RFX6: variants seen among roughly 807,000 people sequenced by gnomAD.
RFX6 encodes the protein DNA-binding protein RFX6.
A neutral mutation model predicts 110.8 loss-of-function variants in RFX6; 50 were observed. The observed-to-expected ratio is 0.45, with a 90% CI of 0.36 to 0.57. The LOEUF (loss-of-function observed/expected upper bound fraction) is 0.57. Among genes scored for constraint, RFX6 ranks in the 20% least tolerant of loss-of-function variants. RFX6 has a pLI of 0.00. For synonymous variants in RFX6, 383 were observed against 411.2 expected (o/e 0.93, Z 0.83); for missense variants, 990 against 1,127.0 (o/e 0.88, Z 1.74).
intron 7 of RFX6, among the ~76,000 whole-genome samples, chr6:116,915,070 A>C (rs1775433932): frequency 6.6e-6 from 1 of 152,212 alleles, no homozygotes; most frequent in Non-Finnish European, 1.5e-5. Context: ...TTTTTCACGT[A>C]GAGTACATAA....
chr6:116,926,691 A>C (rs1047584375), intron 16 of RFX6, among the ~76,000 whole-genome samples: 1 of 152,190 alleles, frequency 6.6e-6, no homozygotes, highest in Non-Finnish European at 1.5e-5. Flanking sequence ...AAAATCAAAC[A>C]GTTTAACAAT....
chr6:116,886,589 TAA>T (rs1774703892), intron 4 of RFX6, among the ~76,000 whole-genome samples: 1 of 152,210 alleles, frequency 6.6e-6, no homozygotes, highest in Non-Finnish European at 1.5e-5. Context: ...TCTATTTTCC[TAA>T]GTTTTGAAAT....
chr6:116,902,572 C>A (rs145588132), intron 6 of RFX6, among the ~76,000 whole-genome samples: 4 of 151,908 alleles, frequency 2.6e-5, no homozygotes, highest in Non-Finnish European at 4.4e-5. Flanking sequence ...ATAATATTTT[C>A]TCCCCATCAA....
intron 16 of RFX6, 144 bp from the exon 17 acceptor site, chr6:116,926,883 C>T (rs1441438780): frequency 5.4e-6 from 4 of 736,562 alleles, no homozygotes; most frequent in Non-Finnish European, 9.1e-6. Context: ...ATTTTTGGTG[C>T]TTTTCAGTTT....
At chr6:116,878,264 T>C (rs1259978544) in intron 2 of RFX6, among the ~76,000 whole-genome samples, 1 of 152,210 alleles carries the variant, frequency 6.6e-6, no homozygotes, top group Non-Finnish European at 1.5e-5. Flanking sequence ...TGCAATCAGT[T>C]CAGTCCTTAC....
In RFX6 at chr6:116,916,303, A is replaced by G. The variant is rs376498133; in HGVS notation, c.961A>G (p.Ile321Val). 30 of 1,598,918 alleles carry G rather than the reference A, an allele frequency of 1.9e-5. No individual in the cohort carries two copies. In the African/African-American group the frequency reaches 2.3e-4, roughly 12 times the overall value. ...IIDIFCVCDS[I>V]LYKVLTDVLI... ...TGATATTTTCTGTGTTTGTGACTCA[A>G]TTCTTTATAAGGTAAGCACTTTGGG... is the stretch of plus-strand genomic sequence containing the variant. The change falls in exon 9 of 19, where the codon ATT (isoleucine) becomes GTT (valine). Residue 321 changes from isoleucine to valine, a missense_variant. By Grantham distance (29) the Ile-to-Val change is conservative. Transcript: ENST00000332958.
chr6:116,928,892 A>C lies in RFX6; in HGVS notation c.2532A>C (p.Leu844Phe), dbSNP rs139748065. Reference sequence around the variant, plus strand: ...ACATCCACGATCCACTTAACATTTTAGATGACAGTGGTAGAAAACAGACCA... The same window carrying C: ...ACATCCACGATCCACTTAACATTTTCGATGACAGTGGTAGAAAACAGACCA... ...YSDIHDPLNI[L>F]DDSGRKQTSS... Residue 844 changes from leucine (L) to phenylalanine (F), a missense_variant, in exon 18 of 19, where the codon TTA becomes TTC. This residue lies in a region of RFX6 where 438 missense variants were observed against 441.9 expected (regional missense o/e 0.99). Coordinates refer to ENST00000332958, the MANE Select transcript of RFX6 (RefSeq NM_173560.4). 3.1e-6 allele frequency: 5 copies of C among 1,613,842 alleles called. No homozygotes were observed. The African/African-American group carries it at 6.7e-5, about 22-fold the overall frequency.
At chr6:116,926,847 T>C (rs1274318992) in intron 16 of RFX6, among the ~76,000 whole-genome samples, 180 bp from the exon 17 acceptor site, 2 of 152,184 alleles carry the variant, frequency 1.3e-5, no homozygotes, top group Non-Finnish European at 2.9e-5. Context: ...TATACATGTG[T>C]TGTGATTATA....
At chr6:116,880,442 C>T in intron 2 of RFX6, 102 bp from the exon 3 acceptor site, 1 of 1,007,610 alleles carries the variant, frequency 9.9e-7, no homozygotes, top group Non-Finnish European at 1.5e-6. Context: ...TACTCATTAC[C>T]TCATTTATAG....
intron 14 of RFX6, 143 bp from the exon 15 acceptor site, chr6:116,924,526 A>C (rs1301286498): frequency 1.7e-5 from 13 of 772,832 alleles, no homozygotes; most frequent in Middle Eastern, 2.3e-4. Flanking sequence ...AAGTCCAACA[A>C]GTATTTGTTT....
intron 11 of RFX6, among the ~76,000 whole-genome samples, chr6:116,919,868 G>A (rs1170564628): frequency 6.6e-6 from 1 of 152,136 alleles, no homozygotes; most frequent in African/African-American, 2.4e-5. Context: ...ATGATTATCT[G>A]CTTTATGAAG....
chr6:116,908,797 A>G (rs180863294), intron 6 of RFX6, among the ~76,000 whole-genome samples: 3 of 152,198 alleles, frequency 2.0e-5, no homozygotes, highest in Admixed American at 6.5e-5. Flanking sequence ...AGATGATTAT[A>G]TAATATACAG....
chr6:116,909,087 T>C (rs1028229510), intron 6 of RFX6, among the ~76,000 whole-genome samples: 5 of 152,142 alleles, frequency 3.3e-5, no homozygotes, highest in African/African-American at 9.7e-5. Flanking sequence ...TAAAATCTTT[T>C]GAGTCTGTTT....
At position 116,927,796 on chromosome 6, in the gene RFX6, G is replaced by C. The variant is rs10872150; in HGVS notation, c.2398+257G>C. Among the ~76,000 whole-genome samples, 53,289 of 140,690 alleles carry C rather than the reference G, an allele frequency of 0.38. 10,451 individuals are homozygous for C. The highest frequency in any genetic ancestry group is 0.53 in the East Asian group (2,495 of 4,684). 92.3% of individuals were successfully genotyped at this position (140,690 alleles called of 152,430 possible). On this transcript the variant is annotated intron_variant, in intron 17 of 18. Coordinates refer to ENST00000332958, the MANE Select transcript of RFX6 (RefSeq NM_173560.4). ...GTCTTATGCTGTAGCCCAGGCTGGA[G>C]TGCTTGGCAGGATCATGATTCACTG...
chr6:116,904,094 G>T (rs1775142116), intron 6 of RFX6, among the ~76,000 whole-genome samples: 1 of 151,766 alleles, frequency 6.6e-6, no homozygotes, highest in African/African-American at 2.4e-5. Context: ...CAGTCTTGTG[G>T]GTGTAAAATC....
intron 3 of RFX6, among the ~76,000 whole-genome samples, chr6:116,881,940 A>T (rs2114661702): frequency 6.6e-6 from 1 of 152,268 alleles, no homozygotes; most frequent in African/African-American, 2.4e-5. Context: ...CAAAAAATTT[A>T]TAACATTATA....
At chr6:116,907,821 G>A (rs1167504679) in intron 6 of RFX6, among the ~76,000 whole-genome samples, 1 of 151,982 alleles carries the variant, frequency 6.6e-6, no homozygotes, top group East Asian at 1.9e-4. Context: ...TGAGAATGAG[G>A]TGTTAAAGTC....
intron 6 of RFX6, among the ~76,000 whole-genome samples, chr6:116,901,041 A>T (rs1775060877): frequency 6.6e-6 from 1 of 152,212 alleles, no homozygotes; most frequent in Admixed American, 6.5e-5. Context: ...TCTCACTTTC[A>T]ATACAGTATT....
chr6:116,881,878 A>C (rs1357040862), intron 3 of RFX6, among the ~76,000 whole-genome samples: 2 of 152,142 alleles, frequency 1.3e-5, no homozygotes, highest in Non-Finnish European at 2.9e-5. Flanking sequence ...TTTTTAAAAA[A>C]TGTTTAATCA....
Sources: gnomAD v4.1 joint callset for allele counts (sites outside exome capture counted in the v4.1 genomes callset) on GRCh38, gnomAD v4.1.1 for gene constraint, gnomAD v4.1.1 regional missense constraint, MANE v1.5 for transcripts, NCBI Gene and HGNC (gene_info 2026-07-23, HGNC 2026-07-21) for gene names.